The following CACNA1E variants were observed in gnomAD, a reference collection of about 807,000 sequenced individuals.
CACNA1E encodes the protein voltage-dependent R-type calcium channel subunit alpha-1E.
CACNA1E carries 40 observed loss-of-function variants against 259.2 expected under a neutral mutation model. The observed-to-expected ratio is 0.15, with a 90% CI of 0.12 to 0.20. The LOEUF (loss-of-function observed/expected upper bound fraction) is 0.20. Among genes scored for constraint, CACNA1E ranks in the 10% least tolerant of loss-of-function variants. The pLI is 1.00. For synonymous variants in CACNA1E, 1,104 were observed against 1,138.5 expected (o/e 0.97, Z 0.61); for missense variants, 1,874 against 3,040.1 (o/e 0.62, Z 9.02).
intron 1 of CACNA1E, among the ~76,000 whole-genome samples, chr1:181,388,181 T>G (rs926936697): frequency 6.6e-6 from 1 of 152,188 alleles, no homozygotes; most frequent in Non-Finnish European, 1.5e-5. Context: ...ATGCTAGATG[T>G]TCCACTCCTT....
At chr1:181,424,933 A>G (rs1052945070) in intron 2 of CACNA1E, among the ~76,000 whole-genome samples, 1 of 151,340 alleles carries the variant, frequency 6.6e-6, no homozygotes, top group Admixed American at 6.6e-5. Flanking sequence ...GGCTGCCTCC[A>G]CTCTGCTCCC....
intron 6 of CACNA1E, among the ~76,000 whole-genome samples, chr1:181,627,564 G>A (rs1488514107): frequency 1.3e-5 from 2 of 152,162 alleles, no homozygotes; most frequent in African/African-American, 4.8e-5. Context: ...GCAGAGGAAG[G>A]CCACCATGAG....
chr1:181,712,506 C>T (rs905077858), intron 8 of CACNA1E, among the ~76,000 whole-genome samples: 22 of 152,202 alleles, frequency 1.4e-4, no homozygotes, highest in African/African-American at 4.8e-4. Context: ...AAAACCCTCT[C>T]TAAGCTCTGC....
intron 16 of CACNA1E, among the ~76,000 whole-genome samples, chr1:181,723,161 A>G (rs1452881111): frequency 6.6e-6 from 1 of 152,200 alleles, no homozygotes; most frequent in East Asian, 1.9e-4. Flanking sequence ...GAATGGGAGA[A>G]GTTAGCATCT....
chr1:181,504,526 C>T (rs771234423), intron 1 of CACNA1E, among the ~76,000 whole-genome samples: 1 of 152,164 alleles, frequency 6.6e-6, no homozygotes, highest in East Asian at 1.9e-4. Flanking sequence ...ATATTTACTG[C>T]CTGAGGCCTA....
intron 7 of CACNA1E, among the ~76,000 whole-genome samples, chr1:181,705,219 C>T (rs1558286603): frequency 1.3e-5 from 2 of 152,326 alleles, no homozygotes; most frequent in East Asian, 3.9e-4. Context: ...AAAGAAGTCT[C>T]TGTCTTCTCT....
intron 6 of CACNA1E, among the ~76,000 whole-genome samples, chr1:181,641,703 G>GTTTTTTTTTTTTTT (rs751082929): frequency 1.2e-5 from 1 of 81,116 alleles, no homozygotes; most frequent in Non-Finnish European, 2.5e-5. Flanking sequence ...CTAATTTTTT[G>GTTTTTTTTTTTTTT]TTTTTTTTTT....
Position 181,785,749 on chromosome 1 carries a change from T to C in CACNA1E, c.5716T>C (p.Ser1906Pro), listed in dbSNP as rs747671881. 6.2e-7 allele frequency: 1 copy of C among 1,613,356 alleles called. No individual in the cohort carries two copies. The highest frequency in any genetic ancestry group is 1.1e-5 in the South Asian group (1 of 90,940). Residue 1906 changes from serine to proline, a missense_variant, in exon 43 of 48, where the codon TCT becomes CCT. This residue lies in a region of CACNA1E where 542 missense variants were observed against 587.2 expected (regional missense o/e 0.92). Coordinates refer to ENST00000367573, the MANE Select transcript of CACNA1E (RefSeq NM_001205293.3). ...APMFQRMEPS[S>P]LPQEIIANAK... ...CATGTTCCAGCGCATGGAGCCTTCATCTCTGCCTCAGGAGATCATTGCTAA... is the reference window on the plus strand; with the variant it reads ...CATGTTCCAGCGCATGGAGCCTTCACCTCTGCCTCAGGAGATCATTGCTAA...
intron 1 of CACNA1E, among the ~76,000 whole-genome samples, chr1:181,506,324 G>T (rs1039595401): frequency 1.3e-5 from 2 of 152,228 alleles, no homozygotes; most frequent in African/African-American, 4.8e-5. Flanking sequence ...TTGCTTTGGG[G>T]TGTGAAGTTT....
intron 3 of CACNA1E, among the ~76,000 whole-genome samples, chr1:181,534,892 AT>A (rs1018556201): frequency 6.6e-6 from 1 of 152,120 alleles, no homozygotes; most frequent in Non-Finnish European, 1.5e-5. Context: ...ACTTTATTTA[AT>A]TTTTTGATCT....
At chr1:181,645,601 G>A (rs1031970615) in intron 6 of CACNA1E, among the ~76,000 whole-genome samples, 9 of 152,176 alleles carry the variant, frequency 5.9e-5, no homozygotes, top group African/African-American at 1.9e-4. Context: ...GAAAACTTCA[G>A]CACATCCTTT....
At chr1:181,740,027 C>T (rs1298650754) in intron 25 of CACNA1E, among the ~76,000 whole-genome samples, 1 of 152,158 alleles carries the variant, frequency 6.6e-6, no homozygotes, top group Non-Finnish European at 1.5e-5. Flanking sequence ...GGGCCTTTTT[C>T]CTAACCCGGT....
chr1:181,383,096 T>C (rs1655580065), intron 1 of CACNA1E, among the ~76,000 whole-genome samples: 2 of 152,248 alleles, frequency 1.3e-5, no homozygotes, highest in Non-Finnish European at 2.9e-5. Context: ...TTCTCCTTAA[T>C]GGGATCTTTC....
In CACNA1E at chr1:181,719,743, C is replaced by G. The variant is rs1654256178; in HGVS notation, c.1639-8C>G. On this transcript the variant is annotated splice_polypyrimidine_tract_variant and splice_region_variant and intron_variant, in intron 12 of 47. Transcript: ENST00000367573. ...CTCCTCTCACTGTGGCTGGCATTGC[C>G]TCTCTAGGTCACAGTGGGCAGTATC... 6.5e-7 allele frequency: 1 copy of G among 1,535,686 alleles called. No individual in the cohort carries two copies. The highest frequency in any genetic ancestry group is 1.2e-5 in the South Asian group (1 of 83,578).
At chr1:181,550,079 T>C (rs907361250) in intron 3 of CACNA1E, among the ~76,000 whole-genome samples, 17 of 152,090 alleles carry the variant, frequency 1.1e-4, no homozygotes, top group Non-Finnish European at 2.2e-4. Flanking sequence ...TGAGCTAGGA[T>C]GACTAGTTAG....
rs188593158 is a variant in CACNA1E, at chr1:181,728,116, A to G, written c.2240+1954A>G. ...ATTCTCTGGGCCTTGAGTAATTTCT[A>G]CTCCACCTTCCCTGAACTCATGAGT... On this transcript the variant is annotated intron_variant, in intron 18 of 47. Coordinates refer to ENST00000367573, the MANE Select transcript of CACNA1E (RefSeq NM_001205293.3). Among the ~76,000 whole-genome samples the G allele has an allele frequency of 1.4e-4, 21 of 152,060 alleles. No homozygotes were observed. The East Asian group carries it at 3.9e-3, about 28-fold the overall frequency.
chr1:181,600,263 G>A (rs1653608270), intron 6 of CACNA1E, among the ~76,000 whole-genome samples: 1 of 152,204 alleles, frequency 6.6e-6, no homozygotes. Context: ...AGGGGCAAGA[G>A]GTCAGAGAGA....
At chr1:181,335,511 G>A (rs1384610847) in intron 1 of CACNA1E, among the ~76,000 whole-genome samples, 1 of 152,176 alleles carries the variant, frequency 6.6e-6, no homozygotes, top group African/African-American at 2.4e-5. Context: ...CTGGGGAGTA[G>A]GATACCCTCT....
chr1:181,499,070 A>G (rs1309182204), intron 1 of CACNA1E, among the ~76,000 whole-genome samples: 2 of 152,206 alleles, frequency 1.3e-5, no homozygotes, highest in Non-Finnish European at 2.9e-5. Context: ...TTTCCCAAAT[A>G]TGTTGCTGGA....
Sources: allele counts gnomAD v4.1 joint callset (sites outside exome capture counted in the v4.1 genomes callset), GRCh38; gene constraint gnomAD v4.1.1; regional missense constraint gnomAD v4.1.1; transcripts MANE v1.5; gene names NCBI Gene and HGNC (gene_info 2026-07-23, HGNC 2026-07-21).